The following PRRC2C variants were observed in gnomAD, a reference collection of about 807,000 sequenced individuals.
The protein encoded by PRRC2C is protein PRRC2C.
In PRRC2C, 72 loss-of-function variants were observed where a neutral mutation model predicts 317.2. The observed-to-expected ratio is 0.23, with a 90% CI of 0.19 to 0.28. The LOEUF is 0.28. PRRC2C is among the 10% of genes least tolerant of loss of function. PRRC2C has a pLI of 1.00. For missense variants in PRRC2C, 3,074 were observed against 3,459.7 expected (o/e 0.89, Z 2.80); for synonymous variants, 1,296 against 1,205.9 (o/e 1.07, Z -1.55).
intron 10 of PRRC2C, 67 bp downstream of exon 10, chr1:171,525,032 T>C: frequency 8.0e-7 from 1 of 1,257,838 alleles, no homozygotes; most frequent in Non-Finnish European, 1.1e-6. Flanking sequence ...TGTGTAATAC[T>C]ATGGATAATT....
In PRRC2C at chr1:171,558,292, A is replaced by T. The variant is rs908215725; in HGVS notation, c.6031+149A>T. ...TAATAGTAATCCTCTCAACTTTCTT[A>T]AAATTTTTGTTTTAAGCATGTTTAA... On this transcript the variant is annotated intron_variant, in intron 19 of 34. Transcript: ENST00000647382. 3.7e-5 allele frequency: 45 copies of T among 1,207,622 alleles called. No homozygotes were observed. In the African/African-American group the frequency reaches 5.1e-4, roughly 14 times the overall value. 74.8% of individuals were successfully genotyped at this position (1,207,622 alleles called of 1,614,324 possible). A position where few individuals can be genotyped will look rare whatever the true frequency, so the allele number is the denominator to read the frequency against.
In PRRC2C at chr1:171,520,570, T is replaced by C. The variant is rs558464332; in HGVS notation, c.751-1607T>C. Among the ~76,000 whole-genome samples the C allele has an allele frequency of 7.2e-5, 11 of 152,310 alleles. No homozygotes were observed. The South Asian group carries it at 2.3e-3, about 32-fold the overall frequency. Reference sequence around the variant, plus strand: ...CTGGCAAATTCCTAGATTTTAAGCATTTTTTAAGACCACATGAAATTATGT... The same window carrying C: ...CTGGCAAATTCCTAGATTTTAAGCACTTTTTAAGACCACATGAAATTATGT... On this transcript the variant is annotated intron_variant, in intron 6 of 34. Transcript: ENST00000647382.
intron 3 of PRRC2C, chr1:171,513,577 C>T (rs1469500940): frequency 1.1e-5 from 4 of 377,668 alleles, no homozygotes; most frequent in Non-Finnish European, 2.1e-5. Context: ...CATAGGTGCT[C>T]AAGTAATAAT....
At chr1:171,544,840 A>G (rs538140222) in intron 16 of PRRC2C, among the ~76,000 whole-genome samples, 10 of 152,214 alleles carry the variant, frequency 6.6e-5, no homozygotes, top group Non-Finnish European at 1.3e-4. Context: ...GAGTAATACT[A>G]TAGGCTAAGA....
chr1:171,577,399 T>C (rs1262297652), intron 25 of PRRC2C, 35 bp from the exon 26 acceptor site: 2 of 1,505,256 alleles, frequency 1.3e-6, no homozygotes, highest in Non-Finnish European at 1.8e-6. Flanking sequence ...TTAAATATGC[T>C]CTATTTTCCC....
chr1:171,584,028 C>T lies in PRRC2C; in HGVS notation c.7482C>T (p.Asn2494=), dbSNP rs1649301935. The T allele has an allele frequency of 6.2e-7, 1 of 1,613,906 alleles. No individual in the cohort carries two copies. The highest frequency in any genetic ancestry group is 1.1e-5 in the South Asian group (1 of 91,084). The change falls in exon 29 of 35, where the codon AAC becomes AAT. Residue 2494 remains asparagine (N), a synonymous_variant. Coordinates refer to ENST00000647382, the MANE Select transcript of PRRC2C (RefSeq NM_001387844.1). The part of the protein sequence containing the change: ...SVVLSGTAIH[N]FPTVQHQELA... ...TCCTTTCTGGTACTGCTATTCACAA[C>T]TTTCCAACTGTCCAACACCAAGAAC...
At position 171,561,070 on chromosome 1, in the gene PRRC2C, C is replaced by T. The variant is rs199500751; in HGVS notation, c.6084C>T (p.Pro2028=). ...QPPSVSAWNK[P]LTSFGSAPSS... ...CTTCAGTCAGTGCATGGAATAAGCC[C>T]TTAACATCGTTTGGATCAGCTCCTT... Residue 2028 remains proline (P), a synonymous_variant, in exon 20 of 35, where the codon CCC becomes CCT. Coordinates refer to ENST00000647382, the MANE Select transcript of PRRC2C (RefSeq NM_001387844.1). 1.2e-5 allele frequency: 20 copies of T among 1,607,772 alleles called. No individual in the cohort carries two copies. The highest frequency in any genetic ancestry group is 1.6e-4 in the Middle Eastern group (1 of 6,074).
intron 1 of PRRC2C, among the ~76,000 whole-genome samples, chr1:171,505,341 T>C (rs1396389602): frequency 6.6e-6 from 1 of 152,204 alleles, no homozygotes; most frequent in East Asian, 1.9e-4. Flanking sequence ...TTTCATTTTT[T>C]ATTGCTATTA....
chr1:171,592,553 G>A lies in PRRC2C; in HGVS notation c.*706G>A, dbSNP rs1472238949. On this transcript the variant is annotated 3_prime_UTR_variant, in exon 35 of 35. Transcript: ENST00000647382. The stretch of plus-strand genomic sequence containing the variant: ...GAAATGGTGCTGTGTTTTGGTTGTG[G>A]TCTGAAGCTTTGAAGCGCTACTTAG... 1 of 152,192 alleles carries A rather than the reference G, an allele frequency of 6.6e-6. No individual in the cohort carries two copies. Among genetic ancestry groups the A allele is most frequent in the East Asian group, 1.9e-4 (1 of 5,198 alleles). 9.4% of individuals were successfully genotyped at this position (152,192 alleles called of 1,614,324 possible).
intron 1 of PRRC2C, among the ~76,000 whole-genome samples, chr1:171,506,344 A>G (rs1670215962): frequency 6.6e-6 from 1 of 152,290 alleles, no homozygotes; most frequent in South Asian, 2.1e-4. Flanking sequence ...TATGTAAAGC[A>G]ACATTTTCTC....
chr1:171,521,323 C>G (rs1055656204), intron 6 of PRRC2C, among the ~76,000 whole-genome samples: 4 of 152,138 alleles, frequency 2.6e-5, no homozygotes, highest in Admixed American at 2.0e-4. Flanking sequence ...TTCTTTGACC[C>G]TTCTTCCCTT....
In PRRC2C at chr1:171,512,963, G is replaced by A. The variant is rs768666797; in HGVS notation, c.113-32G>A. 2.6e-6 allele frequency: 4 copies of A among 1,566,542 alleles called. No homozygotes were observed. In the South Asian group the frequency reaches 3.6e-5, roughly 14 times the overall value. ...GAATAAAATGGGTAATAAAATAGAT[G>A]TTCTAAGAAAGTTGATGTTATTGAT... On this transcript the variant is annotated intron_variant, in intron 2 of 34. Coordinates refer to ENST00000647382, the MANE Select transcript of PRRC2C (RefSeq NM_001387844.1).
Position 171,534,465 on chromosome 1 carries a change from A to AT in PRRC2C, c.1874-954dup, listed in dbSNP as rs11332424. 5.0e-3 allele frequency among the ~76,000 whole-genome samples: 756 copies of AT among 151,636 alleles called. 5 individuals carry two copies. The highest frequency in any genetic ancestry group is 0.017 in the African/African-American group (696 of 41,288). Reference sequence around the variant, plus strand: ...TTTATCAGTGAGATGTACCCATGTGATTTTTTTTTCCCCCCTCAATTCTGA... The same window carrying AT: ...TTTATCAGTGAGATGTACCCATGTGATTTTTTTTTTCCCCCCTCAATTCTGA... On this transcript the variant is annotated intron_variant, in intron 12 of 34. Coordinates refer to ENST00000647382, the MANE Select transcript of PRRC2C (RefSeq NM_001387844.1).
rs1178127123 is a variant in PRRC2C at position 171,517,612 on chromosome 1, G to C, written c.548G>C (p.Gly183Ala). 6.2e-7 allele frequency: 1 copy of C among 1,612,172 alleles called. No individual in the cohort carries two copies. Among genetic ancestry groups the C allele is most frequent in the South Asian group, 1.1e-5 (1 of 90,952 alleles). ...RPPNVACWRD[G>A]GKAAGSPSSS... is the part of the protein sequence containing the mutation. ...CTAGATGTTGCTTGTTGGAGAGATGGTGGTAAGGCTGCTGGCTCACCTTCG... is the reference window on the plus strand; with the variant it reads ...CTAGATGTTGCTTGTTGGAGAGATGCTGGTAAGGCTGCTGGCTCACCTTCG... Residue 183 changes from glycine (G) to alanine (A), a missense_variant, in exon 6 of 35, where the codon GGT (glycine) becomes GCT (alanine). This residue lies in a region of PRRC2C where 237 missense variants were observed against 199.5 expected (regional missense o/e 1.19). Coordinates refer to ENST00000647382, the MANE Select transcript of PRRC2C (RefSeq NM_001387844.1).
At chr1:171,589,075 AAAGATAGCCT>A (rs1650735575) in intron 33 of PRRC2C, among the ~76,000 whole-genome samples, 2 of 152,208 alleles carry the variant, frequency 1.3e-5, no homozygotes, top group Non-Finnish European at 2.9e-5. Context: ...TACCTTTTGA[AAAGATAGCCT>A]AATTAAAAGT....
chr1:171,574,905 T>C (rs780360315), intron 24 of PRRC2C, 22 bp from the exon 25 acceptor site: 3 of 1,606,092 alleles, frequency 1.9e-6, no homozygotes, highest in Non-Finnish European at 2.6e-6. Flanking sequence ...TTTTTTACTA[T>C]AAAATGTCCG....
Position 171,566,788 on chromosome 1 carries a change from C to T in PRRC2C, c.6503C>T (p.Thr2168Ile). Residue 2168 changes from threonine to isoleucine, a missense_variant, in exon 22 of 35, where the codon ACT (threonine) becomes ATT (isoleucine). This residue lies in a region of PRRC2C where 640 missense variants were observed against 676.1 expected (regional missense o/e 0.95). Coordinates refer to ENST00000647382, the MANE Select transcript of PRRC2C (RefSeq NM_001387844.1). Reference sequence around the variant, plus strand: ...ACTAAAGCAGTCTCAGAAATGTCTACTGAAATAGGAACAATGATCTCGGTA... The same window carrying T: ...ACTAAAGCAGTCTCAGAAATGTCTATTGAAATAGGAACAATGATCTCGGTA... ...KETKAVSEMSTEIGTMISVSS... is the reference protein window; with the variant it reads ...KETKAVSEMSIEIGTMISVSS... The T allele has an allele frequency of 1.2e-6, 2 of 1,613,726 alleles. No homozygotes were observed. Among genetic ancestry groups the T allele is most frequent in the Non-Finnish European group, 1.7e-6 (2 of 1,179,828 alleles).
At chr1:171,574,232 A>G (rs1354848964) in intron 24 of PRRC2C, among the ~76,000 whole-genome samples, 5 of 152,144 alleles carry the variant, frequency 3.3e-5, no homozygotes, top group African/African-American at 9.6e-5. Context: ...GTTGAATTAA[A>G]TGTTTTCAAA....
chr1:171,529,836 T>A (rs946100050), intron 11 of PRRC2C, among the ~76,000 whole-genome samples: 1 of 152,228 alleles, frequency 6.6e-6, no homozygotes, highest in East Asian at 1.9e-4. Flanking sequence ...TCTTCTTGAC[T>A]TTTTTACTTG....
Sources: allele counts gnomAD v4.1 joint callset (sites outside exome capture counted in the v4.1 genomes callset), GRCh38; gene constraint gnomAD v4.1.1; regional missense constraint gnomAD v4.1.1; transcripts MANE v1.5; gene names NCBI Gene and HGNC (gene_info 2026-07-23, HGNC 2026-07-21).